UST: variants seen among roughly 807,000 people sequenced by gnomAD.
The protein encoded by UST is uronyl 2-sulfotransferase.
Under a neutral mutation model 45.6 loss-of-function variants are expected in UST, and 21 were observed. The ratio of observed to expected loss-of-function variants is 0.46; its 90% CI spans 0.33 to 0.66. The LOEUF is 0.66. Among genes scored for constraint, UST ranks in the 30% least tolerant of loss-of-function variants. The pLI, the probability that UST is intolerant of heterozygous loss-of-function variation, is 0.02. For missense variants in UST, 463 were observed against 512.4 expected (o/e 0.90, Z 0.93); for synonymous variants, 215 against 200.6 (o/e 1.07, Z -0.61).
At chr6:148,839,852 G>A (rs1777857044) in intron 1 of UST, among the ~76,000 whole-genome samples, 1 of 152,190 alleles carries the variant, frequency 6.6e-6, no homozygotes, top group African/African-American at 2.4e-5. Context: ...CCATTGTACA[G>A]AGAAGGTAAA....
chr6:148,930,762 A>G (rs922709136), intron 2 of UST, among the ~76,000 whole-genome samples: 1 of 152,196 alleles, frequency 6.6e-6, no homozygotes, highest in Non-Finnish European at 1.5e-5. Context: ...GTCAGGGGCC[A>G]TTATCGTACC....
intron 1 of UST, among the ~76,000 whole-genome samples, chr6:148,764,725 T>C (rs1208208745): frequency 7.9e-5 from 12 of 152,208 alleles, no homozygotes. Context: ...AGGGTGTGGG[T>C]CACAGAGATC....
At chr6:148,873,425 T>C (rs1357206078) in intron 1 of UST, among the ~76,000 whole-genome samples, 1 of 152,138 alleles carries the variant, frequency 6.6e-6, no homozygotes, top group Non-Finnish European at 1.5e-5. Context: ...TCAGCAGCCC[T>C]TTGTCCTCGA....
At position 148,953,954 on chromosome 6, in the gene UST, A is replaced by G. The variant is rs752628578; in HGVS notation, c.527+3A>G. On this transcript the variant is annotated splice_donor_region_variant and intron_variant, in intron 4 of 7. Transcript: ENST00000367463. Reference sequence around the variant, plus strand: ...GTTCATTTCCTCAACTTCTCAAGGTAAGACATTTTCCAGTTTAATGGTTCT... The same window carrying G: ...GTTCATTTCCTCAACTTCTCAAGGTGAGACATTTTCCAGTTTAATGGTTCT... 1.3e-6 allele frequency: 2 copies of G among 1,598,540 alleles called. No individual in the cohort carries two copies. The highest frequency in any genetic ancestry group is 1.7e-6 in the Non-Finnish European group (2 of 1,171,962).
At chr6:148,774,270 T>TTATATATATA (rs10568450) in intron 1 of UST, among the ~76,000 whole-genome samples, 1 of 127,844 alleles carries the variant, frequency 7.8e-6, no homozygotes, top group Admixed American at 7.7e-5. Context: ...CAAGGTTATT[T>TTATATATATA]TATATATATA....
At chr6:148,855,588 A>C (rs1483659550) in intron 1 of UST, among the ~76,000 whole-genome samples, 2 of 152,218 alleles carry the variant, frequency 1.3e-5, no homozygotes, top group African/African-American at 4.8e-5. Flanking sequence ...GTTTCCAATC[A>C]GAGTAAAAAA....
At chr6:149,067,151 C>T (rs1433478461) in intron 7 of UST, among the ~76,000 whole-genome samples, 1 of 152,140 alleles carries the variant, frequency 6.6e-6, no homozygotes, top group Non-Finnish European at 1.5e-5. Context: ...GAATGGGACC[C>T]AAGAACAGGC....
rs1190919665 is a variant in UST at position 148,907,943 on chromosome 6, CT to C, written c.291+20915del. 2.9e-5 allele frequency among the ~76,000 whole-genome samples: 3 copies of C among 104,164 alleles called. No homozygotes were observed. In the East Asian group the frequency reaches 1.0e-3, roughly 35 times the overall value. 68.3% of individuals were successfully genotyped at this position (104,164 alleles called of 152,430 possible). On this transcript the variant is annotated intron_variant, in intron 2 of 7. Transcript: ENST00000367463. ...TTTTTTTTTTTGACAGAGTCTTGCTCTGTCACCCAGCCTTGAGTGCAGTGGC... is the reference window on the plus strand; with the variant it reads ...TTTTTTTTTTTGACAGAGTCTTGCTCGTCACCCAGCCTTGAGTGCAGTGGC...
intron 5 of UST, among the ~76,000 whole-genome samples, chr6:148,992,132 G>T (rs1333955296): frequency 6.6e-6 from 1 of 152,180 alleles, no homozygotes; most frequent in East Asian, 1.9e-4. Flanking sequence ...CCACACAAAT[G>T]TCAACACCAT....
intron 1 of UST, among the ~76,000 whole-genome samples, chr6:148,764,824 A>G (rs1421473920): frequency 6.6e-6 from 1 of 152,174 alleles, no homozygotes; most frequent in Non-Finnish European, 1.5e-5. Context: ...TGCTGTGCAC[A>G]CAATGTCAGG....
At position 148,790,174 on chromosome 6, in the gene UST, T is replaced by C. The variant is rs1419992155; in HGVS notation, c.247+42497T>C. ...TCCCTGACAGTGTTCATGTAGCGTC[T>C]CCTCCTAAGGCGGCAGCCTCGCTGG... On this transcript the variant is annotated intron_variant, in intron 1 of 7. Transcript: ENST00000367463. The surrounding 1 kb of genome is among the most constrained non-coding windows in gnomAD (Gnocchi z 4.2). 6.6e-6 allele frequency among the ~76,000 whole-genome samples: 1 copy of C among 152,126 alleles called. No individual in the cohort carries two copies. Among genetic ancestry groups the C allele is most frequent in the Non-Finnish European group, 1.5e-5 (1 of 68,010 alleles).
intron 1 of UST, among the ~76,000 whole-genome samples, chr6:148,863,956 C>G (rs80161948): frequency 0.015 from 2,296 of 152,276 alleles, 50 homozygotes; most frequent in African/African-American, 0.053. Context: ...GGGTCAGGGA[C>G]CAACTTAAGG....
chr6:148,928,716 G>C (rs1485169581), intron 2 of UST, among the ~76,000 whole-genome samples: 1 of 152,180 alleles, frequency 6.6e-6, no homozygotes, highest in Non-Finnish European at 1.5e-5. Context: ...TTATGAAAAA[G>C]GTATACTTGT....
At chr6:149,049,268 G>C (rs1032167213) in intron 7 of UST, among the ~76,000 whole-genome samples, 1 of 152,066 alleles carries the variant, frequency 6.6e-6, no homozygotes, top group Non-Finnish European at 1.5e-5. Flanking sequence ...TGTAAAAATA[G>C]AAGAATAGCT....
chr6:148,799,421 C>T (rs982953097), intron 1 of UST, among the ~76,000 whole-genome samples: 2 of 152,018 alleles, frequency 1.3e-5, no homozygotes, highest in Non-Finnish European at 2.9e-5. Flanking sequence ...AGGTTTTTGG[C>T]CCAAAGTGGT....
intron 7 of UST, among the ~76,000 whole-genome samples, chr6:149,029,434 ATAT>A (rs1233022100): frequency 3.0e-5 from 2 of 66,418 alleles, no homozygotes; most frequent in East Asian, 2.6e-4. Flanking sequence ...TGTATACATT[ATAT>A]TATATTATAT....
chr6:148,802,122 G>T (rs369396864), intron 1 of UST, among the ~76,000 whole-genome samples: 1 of 152,184 alleles, frequency 6.6e-6, no homozygotes, highest in Non-Finnish European at 1.5e-5. Context: ...CCCATGCGGG[G>T]CAAATGCTCC....
At chr6:149,052,145 G>A (rs1228174210) in intron 7 of UST, among the ~76,000 whole-genome samples, 1 of 152,140 alleles carries the variant, frequency 6.6e-6, no homozygotes, top group Non-Finnish European at 1.5e-5. Flanking sequence ...TAGGAGCAGA[G>A]CATCTCAAAG....
At position 149,021,482 on chromosome 6, in the gene UST, G is replaced by A. The variant is rs1290076051; in HGVS notation, c.937+1G>A. On this transcript the variant is annotated splice_donor_variant, in intron 7 of 7. Coordinates refer to ENST00000367463, the MANE Select transcript of UST (RefSeq NM_005715.3). LOFTEE classifies it high-confidence loss of function. Reference sequence around the variant, plus strand: ...GTGCTCAGTATCTACAAAGACCCAGGTAACTTCATTTGTAAGCAAGCTCTT... The same window carrying A: ...GTGCTCAGTATCTACAAAGACCCAGATAACTTCATTTGTAAGCAAGCTCTT... The A allele has an allele frequency of 6.2e-7, 1 of 1,613,884 alleles. No individual in the cohort carries two copies. Among genetic ancestry groups the A allele is most frequent in the African/African-American group, 1.3e-5 (1 of 74,898 alleles).
Sources: allele counts gnomAD v4.1 joint callset (sites outside exome capture counted in the v4.1 genomes callset), GRCh38; gene constraint gnomAD v4.1.1; non-coding constraint Gnocchi (gnomAD v3.1); transcripts MANE v1.5; gene names NCBI Gene and HGNC (gene_info 2026-07-23, HGNC 2026-07-21).